The following CSMD1 variants were observed in gnomAD, a reference collection of about 807,000 sequenced individuals.
The protein encoded by CSMD1 is CUB and sushi domain-containing protein 1.
In CSMD1, 213 loss-of-function variants were observed where a neutral mutation model predicts 417.5. That is an observed-to-expected ratio of 0.51 (90% CI 0.46 to 0.57). CSMD1 has a LOEUF of 0.57. Among genes scored for constraint, CSMD1 ranks in the 20% least tolerant of loss-of-function variants. CSMD1 has a pLI of 0.00. For synonymous variants in CSMD1, 2,862 were observed against 1,736.8 expected, an observed-to-expected ratio of 1.65 and a Z score of -16.11; for missense variants, 6,923 against 4,529.7, an observed-to-expected ratio of 1.53 and a Z score of -15.17.
At chr8:3,696,112 G>C (rs577386551) in intron 7 of CSMD1, among the ~76,000 whole-genome samples, 6 of 152,242 alleles carry the variant, frequency 3.9e-5, no homozygotes, top group Admixed American at 3.3e-4. Context: ...CAGTTACCTT[G>C]AATTTTCACT....
intron 2 of CSMD1, among the ~76,000 whole-genome samples, chr8:4,436,426 G>C (rs1337829431): frequency 2.6e-5 from 4 of 152,098 alleles, no homozygotes; most frequent in East Asian, 1.9e-4. Flanking sequence ...GTAGATGTGT[G>C]TATTTGTGGG....
In CSMD1 at chr8:3,523,332, T is replaced by A. The variant is rs139478717; in HGVS notation, c.1345-29606A>T. The stretch of plus-strand genomic sequence containing the variant: ...TGCTTTACTAAATTATTTTGTTCTA[T>A]TGTGGCAACACAGTGTCATTCTGAG... On this transcript the variant is annotated intron_variant, in intron 10 of 69. Coordinates refer to ENST00000635120, the MANE Select transcript of CSMD1 (RefSeq NM_033225.6). Among the ~76,000 whole-genome samples, 2 of 152,346 alleles carry A rather than the reference T, an allele frequency of 1.3e-5. 1 individual carries two copies. The highest frequency in any genetic ancestry group is 4.1e-4 in the South Asian group (2 of 4,828).
chr8:4,173,053 G>A (rs979103253), intron 3 of CSMD1, among the ~76,000 whole-genome samples: 11 of 152,124 alleles, frequency 7.2e-5, no homozygotes, highest in Non-Finnish European at 1.6e-4. Context: ...GAAATTTCCT[G>A]CCCAGCAATA....
intron 2 of CSMD1, among the ~76,000 whole-genome samples, chr8:4,481,847 A>T (rs1042637513): frequency 6.6e-6 from 1 of 152,192 alleles, no homozygotes. Flanking sequence ...TACTCCACCT[A>T]CTTCTATTTT....
intron 6 of CSMD1, among the ~76,000 whole-genome samples, chr8:3,725,797 G>T (rs1374229170): frequency 2.0e-5 from 3 of 152,208 alleles, no homozygotes. Context: ...ATTGATCTAG[G>T]AATCTTTCAA....
chr8:3,409,552 T>C lies in CSMD1; in HGVS notation c.1615A>G (p.Thr539Ala), dbSNP rs374140372. 1.2e-6 allele frequency: 2 copies of C among 1,610,962 alleles called. No homozygotes were observed. The highest frequency in any genetic ancestry group is 1.7e-6 in the Non-Finnish European group (2 of 1,178,590). Residue 539 changes from threonine to alanine, a missense_variant, in exon 13 of 70, where the codon ACG (threonine) becomes GCG (alanine). By Grantham distance (58) the Thr-to-Ala change is moderately conservative. Transcript: ENST00000635120. ...DPGIPAYGKR[T>A]GSSFLHGDTL... ...TCTCCATGGAGGAAACTGCTGCCCG[T>C]CCGCTTCCCATAGGCGGGGATTCCA...
intron 26 of CSMD1, among the ~76,000 whole-genome samples, chr8:3,272,381 T>A (rs967000138): frequency 1.3e-5 from 2 of 150,798 alleles, no homozygotes; most frequent in Non-Finnish European, 3.0e-5. Context: ...TCCAGCTTTG[T>A]TCTTTTGGCT....
At chr8:4,745,176 A>G (rs1362052980) in intron 1 of CSMD1, among the ~76,000 whole-genome samples, 7 of 152,156 alleles carry the variant, frequency 4.6e-5, no homozygotes, top group Non-Finnish European at 1.0e-4. Flanking sequence ...GTAAGTTCTA[A>G]TCAATGAAAC....
chr8:3,251,488 C>T (rs1800253266), intron 26 of CSMD1, among the ~76,000 whole-genome samples: 1 of 152,150 alleles, frequency 6.6e-6, no homozygotes, highest in Non-Finnish European at 1.5e-5. Context: ...AGTTTGAAGT[C>T]AGGTAGCATG....
chr8:3,746,632 C>G (rs1186487209), intron 6 of CSMD1, among the ~76,000 whole-genome samples: 1 of 152,100 alleles, frequency 6.6e-6, no homozygotes, highest in East Asian at 1.9e-4. Context: ...AATAATATTT[C>G]ATATCTTTCT....
At chr8:3,537,343 T>C (rs758012690) in intron 10 of CSMD1, among the ~76,000 whole-genome samples, 2 of 152,232 alleles carry the variant, frequency 1.3e-5, no homozygotes, top group Non-Finnish European at 2.9e-5. Context: ...CTATCACCTG[T>C]ATGAGTTTTT....
At chr8:4,550,564 C>T (rs960120690) in intron 2 of CSMD1, among the ~76,000 whole-genome samples, 1 of 152,096 alleles carries the variant, frequency 6.6e-6, no homozygotes, top group African/African-American at 2.4e-5. Flanking sequence ...TTTTTTGAAA[C>T]ATTTTTTAAA....
At chr8:3,180,072 ATTTG>A (rs1284635670) in intron 37 of CSMD1, among the ~76,000 whole-genome samples, 1 of 152,194 alleles carries the variant, frequency 6.6e-6, no homozygotes, top group Non-Finnish European at 1.5e-5. Context: ...GTATTTGCTT[ATTTG>A]CAACTGCTTA....
At chr8:3,867,660 G>C (rs1051424657) in intron 5 of CSMD1, among the ~76,000 whole-genome samples, 13 of 151,846 alleles carry the variant, frequency 8.6e-5, no homozygotes, top group African/African-American at 2.9e-4. Context: ...TAGTATCTTG[G>C]TTAATCTTCA....
At chr8:3,308,923 C>T (rs534445003) in intron 23 of CSMD1, among the ~76,000 whole-genome samples, 1 of 152,088 alleles carries the variant, frequency 6.6e-6, no homozygotes, top group South Asian at 2.1e-4. Context: ...CGGGGTTTCA[C>T]TATGTTGGCC....
chr8:3,626,720 A>C (rs1796508630), intron 7 of CSMD1, among the ~76,000 whole-genome samples: 2 of 151,092 alleles, frequency 1.3e-5, no homozygotes, highest in Admixed American at 6.6e-5. Flanking sequence ...GTATTATGTA[A>C]TTTATGGACA....
chr8:3,356,994 T>C (rs1467920408), intron 21 of CSMD1, among the ~76,000 whole-genome samples: 5 of 149,836 alleles, frequency 3.3e-5, no homozygotes, highest in African/African-American at 9.9e-5. Flanking sequence ...TGGTGGGGTC[T>C]GGGGAGCCAG....
intron 2 of CSMD1, among the ~76,000 whole-genome samples, chr8:4,630,508 C>A (rs1802447143): frequency 1.3e-5 from 2 of 152,132 alleles, no homozygotes; most frequent in African/African-American, 4.8e-5. Context: ...CAAAAATACT[C>A]AAACTTAACC....
chr8:4,394,214 C>A (rs976992981), intron 3 of CSMD1, among the ~76,000 whole-genome samples: 3 of 151,984 alleles, frequency 2.0e-5, no homozygotes, highest in African/African-American at 7.3e-5. Flanking sequence ...GTGCCTAGGT[C>A]TTAGAAAAAC....
Sources: gnomAD v4.1 joint callset for allele counts (sites outside exome capture counted in the v4.1 genomes callset) on GRCh38, gnomAD v4.1.1 for gene constraint, MANE v1.5 for transcripts, NCBI Gene and HGNC (gene_info 2026-07-23, HGNC 2026-07-21) for gene names.